USP30: variants seen among roughly 807,000 people sequenced by gnomAD.
USP30 encodes the protein ubiquitin specific peptidase 30, also known as ubiquitin carboxyl-terminal hydrolase 30.
USP30 carries 41 observed loss-of-function variants against 68.2 expected under a neutral mutation model. That is an observed-to-expected ratio of 0.60 (90% CI 0.47 to 0.78). USP30 has a LOEUF of 0.78. Among genes scored for constraint, USP30 ranks in the 30% least tolerant of loss-of-function variants. The probability of loss-of-function intolerance (pLI) is 0.00; values close to 1 mark genes in which losing one functional copy is unlikely to be tolerated. For synonymous variants in USP30, 229 were observed against 253.7 expected (o/e 0.90, Z 0.93); for missense variants, 522 against 649.4 (o/e 0.80, Z 2.13).
chr12:109,059,911 C>G (rs1317731046), intron 3 of USP30: 4 of 152,154 alleles, frequency 2.6e-5, no homozygotes. Flanking sequence ...AATGTATGCA[C>G]AAAGATCTCC....
In USP30 at chr12:109,087,985, G is replaced by C; in HGVS notation, c.*2054G>C. ...CTAAAGGTACTTTTGTATCTGCTGT[G>C]TATTATAGCAATAAAATAATCATTT... On this transcript the variant is annotated 3_prime_UTR_variant, in exon 13 of 13. Coordinates refer to ENST00000257548, the MANE Select transcript of USP30 (RefSeq NM_032663.5). 1 of 443,560 alleles carries C rather than the reference G, an allele frequency of 2.3e-6. No homozygotes were observed. The highest frequency in any genetic ancestry group is 4.0e-6 in the Non-Finnish European group (1 of 249,892). 27.5% of individuals were successfully genotyped at this position (443,560 alleles called of 1,614,324 possible). A position where few individuals can be genotyped will look rare whatever the true frequency, so the allele number is the denominator to read the frequency against.
rs537873629 is a variant in USP30 at position 109,073,783 on chromosome 12, A to G, written c.720+251A>G. ...GCTCTTGAGTCCAGTGGTTGAGTCTATGCTCATGGTGGACACAGTAGATTC... is the reference window on the plus strand; with the variant it reads ...GCTCTTGAGTCCAGTGGTTGAGTCTGTGCTCATGGTGGACACAGTAGATTC... On this transcript the variant is annotated intron_variant, in intron 7 of 12. Coordinates refer to ENST00000257548, the MANE Select transcript of USP30 (RefSeq NM_032663.5). Among the ~76,000 whole-genome samples, 3 of 152,290 alleles carry G rather than the reference A, an allele frequency of 2.0e-5. No homozygotes were observed. The South Asian group carries it at 6.2e-4, about 32-fold the overall frequency.
At chr12:109,064,713 AG>A (rs1468790104) in intron 3 of USP30, among the ~76,000 whole-genome samples, 41 of 152,248 alleles carry the variant, frequency 2.7e-4, no homozygotes, top group African/African-American at 9.6e-4. Context: ...TATGCACCTA[AG>A]CATGCATTTC....
At chr12:109,076,022 G>A (rs531147270) in intron 7 of USP30, among the ~76,000 whole-genome samples, 29 of 151,540 alleles carry the variant, frequency 1.9e-4, no homozygotes, top group Non-Finnish European at 2.5e-4. Flanking sequence ...GTGTCATTGC[G>A]GTTCTGAGTG....
At chr12:109,068,395 A>G (rs1351446376) in intron 4 of USP30, among the ~76,000 whole-genome samples, 4 of 152,156 alleles carry the variant, frequency 2.6e-5, no homozygotes, top group Admixed American at 6.5e-5. Flanking sequence ...GCATCGAGAG[A>G]CTTTTGGAAA....
chr12:109,030,017 T>C (rs1200935293), intron 3 of USP30, among the ~76,000 whole-genome samples: 3 of 152,240 alleles, frequency 2.0e-5, no homozygotes, highest in African/African-American at 4.8e-5. Flanking sequence ...GTAATCATTA[T>C]TGAAATACGT....
At chr12:109,049,973 G>A (rs1250717102), upstream of USP30, among the ~76,000 whole-genome samples, 1 of 151,916 alleles carries the variant, frequency 6.6e-6, no homozygotes, top group Non-Finnish European at 1.5e-5. Flanking sequence ...CAGTATCTTC[G>A]AAGCACAATA....
chr12:109,051,119 G>A (rs2040663131), upstream of USP30, among the ~76,000 whole-genome samples: 1 of 152,066 alleles, frequency 6.6e-6, no homozygotes, highest in Non-Finnish European at 1.5e-5. Context: ...TGGACTCTGG[G>A]CCTGAAGCCA....
rs34418635 is a variant in USP30 at position 109,044,988 on chromosome 12, C to CTTTTT, written c.-135-2583_-135-2579dup. ...TTCATTACCAAGTAAGGTCAAACAT[C>CTTTTT]TTTTTTTTTTTTTTTTTTTTTTTCT... is the stretch of plus-strand genomic sequence containing the variant. On this transcript the variant is annotated intron_variant, in intron 3 of 15. Coordinates refer to the USP30 transcript ENST00000392784. Among the ~76,000 whole-genome samples the CTTTTT allele has an allele frequency of 5.3e-3, 534 of 99,890 alleles. 3 individuals carry two copies. Among genetic ancestry groups the CTTTTT allele is most frequent in the Non-Finnish European group, 6.1e-3 (309 of 50,918 alleles). 65.5% of individuals were successfully genotyped at this position (99,890 alleles called of 152,430 possible). A position where few individuals can be genotyped will look rare whatever the true frequency, so the allele number is the denominator to read the frequency against.
intron 11 of USP30, 143 bp downstream of exon 11, chr12:109,083,205 G>C (rs1397448782): frequency 6.4e-6 from 5 of 779,122 alleles, no homozygotes; most frequent in Non-Finnish European, 9.7e-6. Flanking sequence ...GCAGGATTGG[G>C]GGTGGAAGAG....
At chr12:109,043,489 C>T (rs1204550044) in intron 3 of USP30, among the ~76,000 whole-genome samples, 6 of 152,160 alleles carry the variant, frequency 3.9e-5, no homozygotes, top group Non-Finnish European at 8.8e-5. Flanking sequence ...AAAGGACAGT[C>T]TTCATCAAAT....
chr12:109,025,284 C>T (rs546384912), intron 2 of USP30, among the ~76,000 whole-genome samples: 43 of 152,050 alleles, frequency 2.8e-4, no homozygotes, highest in Non-Finnish European at 5.7e-4. Context: ...GCCAATTCCC[C>T]TGATAAATCC....
At chr12:109,074,185 A>G (rs1034505991) in intron 7 of USP30, among the ~76,000 whole-genome samples, 1 of 152,148 alleles carries the variant, frequency 6.6e-6, no homozygotes, top group Non-Finnish European at 1.5e-5. Context: ...CGTTTCTTCC[A>G]TATTTTGGCA....
chr12:109,056,660 G>T, intron 1 of USP30, 22 bp from the exon 2 acceptor site: 1 of 1,570,690 alleles, frequency 6.4e-7, no homozygotes, highest in East Asian at 2.3e-5. Context: ...AGGGAAGACA[G>T]TAAACTTGTT....
At chr12:109,081,626 C>CACACACACACACACACACACAA (rs2041803517) in intron 8 of USP30, 2 of 110,028 alleles carry the variant, frequency 1.8e-5, no homozygotes, top group East Asian at 3.6e-4. Context: ...CATGCGCGCA[C>CACACACACACACACACACACAA]ACACACACAC....
intron 1 of USP30, among the ~76,000 whole-genome samples, chr12:109,055,478 CTG>C (rs995874569): frequency 1.0e-4 from 14 of 137,510 alleles, no homozygotes; most frequent in African/African-American, 3.5e-4. Context: ...TCTGGGCTCA[CTG>C]TAACCTCCGC....
At chr12:109,026,465 G>T (rs1036170768) in intron 2 of USP30, among the ~76,000 whole-genome samples, 1 of 149,988 alleles carries the variant, frequency 6.7e-6, no homozygotes, top group Admixed American at 6.6e-5. Context: ...TTACACAACA[G>T]AATTTTTTTT....
At chr12:109,082,090 G>A in intron 9 of USP30, 71 bp downstream of exon 9, 6 of 1,498,004 alleles carry the variant, frequency 4.0e-6, no homozygotes, top group Non-Finnish European at 5.6e-6. Flanking sequence ...TCACACCAGT[G>A]ACCCTGAGCT....
intron 3 of USP30, among the ~76,000 whole-genome samples, chr12:109,064,730 GA>G (rs1415998967): frequency 1.3e-5 from 2 of 152,166 alleles, no homozygotes; most frequent in East Asian, 3.9e-4. Flanking sequence ...ATTTCTCTAG[GA>G]AAAAAATTGC....
Sources: allele counts gnomAD v4.1 joint callset (sites outside exome capture counted in the v4.1 genomes callset), GRCh38; gene constraint gnomAD v4.1.1; transcripts MANE v1.5; gene names NCBI Gene and HGNC (gene_info 2026-07-23, HGNC 2026-07-21).